WWTR1: variants seen among roughly 807,000 people sequenced by gnomAD.
WWTR1 encodes the protein WW domain containing transcription regulator 1, also known as WW domain-containing transcription regulator protein 1.
In WWTR1, 13 loss-of-function variants were observed where a neutral mutation model predicts 40.1. The ratio of observed to expected loss-of-function variants is 0.32; its 90% CI spans 0.21 to 0.52. The LOEUF (loss-of-function observed/expected upper bound fraction) is 0.52. Among genes scored for constraint, WWTR1 ranks in the 20% least tolerant of loss-of-function variants. The pLI, the probability that WWTR1 is intolerant of heterozygous loss-of-function variation, is 0.97. For synonymous variants in WWTR1, 230 were observed against 210.1 expected (o/e 1.09, Z -0.82); for missense variants, 436 against 523.1 (o/e 0.83, Z 1.63).
chr3:149,611,929 A>C (rs187165828), intron 2 of WWTR1, among the ~76,000 whole-genome samples: 178 of 152,332 alleles, frequency 1.2e-3, no homozygotes, highest in Admixed American at 2.0e-3. Context: ...TTCTATTTAC[A>C]TTATTGCCTA....
At chr3:149,540,338 G>A (rs1322571375) in intron 4 of WWTR1, 2 of 450,624 alleles carry the variant, frequency 4.4e-6, no homozygotes, top group Non-Finnish European at 8.9e-6. Flanking sequence ...ACCTACAGCT[G>A]GAATAAAGGA....
chr3:149,578,892 T>A (rs1560069170), intron 2 of WWTR1, among the ~76,000 whole-genome samples: 4 of 152,050 alleles, frequency 2.6e-5, no homozygotes, highest in South Asian at 2.1e-4. Flanking sequence ...TCAAAAAAAA[T>A]AAAATAAAAT....
At chr3:149,599,113 T>C (rs983692272) in intron 2 of WWTR1, among the ~76,000 whole-genome samples, 2 of 152,206 alleles carry the variant, frequency 1.3e-5, no homozygotes, top group African/African-American at 4.8e-5. Context: ...AGGTCTACCA[T>C]AGGCACCTTG....
At chr3:149,676,864 A>C (rs1451791217) in intron 1 of WWTR1, among the ~76,000 whole-genome samples, 1 of 151,616 alleles carries the variant, frequency 6.6e-6, no homozygotes, top group Admixed American at 6.6e-5. Context: ...ATTATGTTAA[A>C]TCCTGAAGTC....
intron 2 of WWTR1, among the ~76,000 whole-genome samples, chr3:149,643,932 G>T (rs181209013): frequency 7.9e-5 from 12 of 151,952 alleles, no homozygotes; most frequent in African/African-American, 2.9e-4. Flanking sequence ...TCTCTTTACA[G>T]GGTCCATCAG....
chr3:149,586,763 CAGGGA>C (rs1738449302), intron 2 of WWTR1, among the ~76,000 whole-genome samples: 1 of 152,164 alleles, frequency 6.6e-6, no homozygotes, highest in South Asian at 2.1e-4. Context: ...TCCCAACCTT[CAGGGA>C]AGGGAAGAGG....
chr3:149,610,993 T>TAAA (rs1465760462), intron 2 of WWTR1, among the ~76,000 whole-genome samples: 4 of 148,594 alleles, frequency 2.7e-5, no homozygotes, highest in Admixed American at 1.3e-4. Flanking sequence ...AAAAAAAAAT[T>TAAA]TTTTTTAAAT....
chr3:149,646,362 A>G (rs533048152), intron 2 of WWTR1, among the ~76,000 whole-genome samples: 4 of 152,354 alleles, frequency 2.6e-5, no homozygotes, highest in Admixed American at 2.6e-4. Context: ...TCACCACACA[A>G]GAGTGACACA....
chr3:149,563,178 A>G (rs1560061882), intron 3 of WWTR1, among the ~76,000 whole-genome samples: 1 of 152,174 alleles, frequency 6.6e-6, no homozygotes, highest in Non-Finnish European at 1.5e-5. Flanking sequence ...ATTAGACTCC[A>G]TTACAAATTA....
intron 2 of WWTR1, among the ~76,000 whole-genome samples, chr3:149,589,386 C>T (rs1409106133): frequency 6.6e-6 from 1 of 152,168 alleles, no homozygotes; most frequent in African/African-American, 2.4e-5. Context: ...CCTACTCTTG[C>T]AGCTGTATTT....
chr3:149,717,317 G>T (rs1205590469), intron 5 of WWTR1: 2 of 152,202 alleles, frequency 1.3e-5, no homozygotes, highest in African/African-American at 4.8e-5. Context: ...ACAATGAAAA[G>T]TTAGCAAAAC....
chr3:149,586,211 T>C (rs1044535920), intron 2 of WWTR1, among the ~76,000 whole-genome samples: 4 of 152,148 alleles, frequency 2.6e-5, no homozygotes, highest in African/African-American at 9.6e-5. Flanking sequence ...TTTAAACTTA[T>C]AGGAAAGTTG....
chr3:149,572,073 G>A (rs74466838), intron 3 of WWTR1, among the ~76,000 whole-genome samples: 11,709 of 152,124 alleles, frequency 0.077, 1,022 homozygotes, highest in East Asian at 0.46. Flanking sequence ...CAGGTATGGG[G>A]AGAAGCCACC....
intron 1 of WWTR1, among the ~76,000 whole-genome samples, chr3:149,690,800 G>C (rs1449748153): frequency 1.3e-5 from 2 of 152,130 alleles, no homozygotes; most frequent in Non-Finnish European, 2.9e-5. Context: ...TTCATCCAAT[G>C]GCTACAGAAT....
chr3:149,555,468 G>C lies in WWTR1; in HGVS notation c.569-12931C>G, dbSNP rs562881364. ...AGTGTGGTTTAGGTGCTTTGCATTG[G>C]GCCAGGACCACTCAGGAAAAAAAAA... On this transcript the variant is annotated intron_variant, in intron 3 of 6. Coordinates refer to ENST00000360632, the MANE Select transcript of WWTR1 (RefSeq NM_015472.6). Among the ~76,000 whole-genome samples the C allele has an allele frequency of 2.6e-5, 4 of 151,520 alleles. No individual in the cohort carries two copies. In the East Asian group the frequency reaches 5.8e-4, roughly 22 times the overall value.
chr3:149,593,151 C>T (rs1738813100), intron 2 of WWTR1, among the ~76,000 whole-genome samples: 1 of 152,264 alleles, frequency 6.6e-6, no homozygotes, highest in South Asian at 2.1e-4. Context: ...ATGCTGCCAT[C>T]ACTCCTGCCA....
intron 2 of WWTR1, among the ~76,000 whole-genome samples, chr3:149,664,618 C>T (rs1271832800): frequency 6.6e-5 from 9 of 135,720 alleles, no homozygotes; most frequent in African/African-American, 1.4e-4. Flanking sequence ...GACGGAGTTT[C>T]GCTCCTGTTG....
At chr3:149,724,059 C>T (rs1048363207) in intron 4 of WWTR1, 1 of 152,100 alleles carries the variant, frequency 6.6e-6, no homozygotes, top group African/African-American at 2.4e-5. Context: ...TCAACAGACT[C>T]CACAGTTCCA....
intron 3 of WWTR1, among the ~76,000 whole-genome samples, chr3:149,560,250 G>A (rs911193381): frequency 6.6e-6 from 1 of 152,210 alleles, no homozygotes; most frequent in African/African-American, 2.4e-5. Flanking sequence ...TTTCGACACT[G>A]AGATTCCCTC....
Sources: gnomAD v4.1 joint callset for allele counts (sites outside exome capture counted in the v4.1 genomes callset) on GRCh38, gnomAD v4.1.1 for gene constraint, MANE v1.5 for transcripts, NCBI Gene and HGNC (gene_info 2026-07-23, HGNC 2026-07-21) for gene names.